The following JPH1 variants were observed in gnomAD, a reference collection of about 807,000 sequenced individuals.
JPH1 encodes junctophilin 1.
In JPH1, 12 loss-of-function variants were observed where a neutral mutation model predicts 53.6. The observed-to-expected ratio is 0.22, with a 90% confidence interval of 0.14 to 0.36. JPH1 has a LOEUF of 0.36. Among genes scored for constraint, JPH1 ranks in the 10% least tolerant of loss-of-function variants. JPH1 has a pLI of 1.00. For missense variants in JPH1, 808 were observed against 905.5 expected, an observed-to-expected ratio of 0.89 and a Z score of 1.38; for synonymous variants, 375 against 363.8, an observed-to-expected ratio of 1.03 and a Z score of -0.35.
intron 3 of JPH1, among the ~76,000 whole-genome samples, chr8:74,256,097 G>A (rs1806217456): frequency 6.6e-6 from 1 of 152,158 alleles, no homozygotes; most frequent in African/African-American, 2.4e-5. Flanking sequence ...GCACACGTAT[G>A]TTTATTGCAG....
chr8:74,294,125 AG>A (rs1380161186), intron 2 of JPH1, among the ~76,000 whole-genome samples: 1 of 152,168 alleles, frequency 6.6e-6, no homozygotes, highest in Non-Finnish European at 1.5e-5. Flanking sequence ...TGAATGTGGG[AG>A]GCAGGAGCAT....
At chr8:74,247,773 T>C (rs1805900845) in intron 3 of JPH1, among the ~76,000 whole-genome samples, 1 of 152,220 alleles carries the variant, frequency 6.6e-6, no homozygotes, top group Admixed American at 6.5e-5. Context: ...TGTCATTTTT[T>C]TGAGGTGATA....
At chr8:74,244,367 G>C (rs1805785573) in intron 4 of JPH1, among the ~76,000 whole-genome samples, 162 bp downstream of exon 4, 1 of 152,134 alleles carries the variant, frequency 6.6e-6, no homozygotes, top group East Asian at 1.9e-4. Flanking sequence ...AGAGCTCTTT[G>C]CTGTCTCAAG....
chr8:74,315,208 A>G lies in JPH1; in HGVS notation c.792T>C (p.Cys264=). ...CGTGGTCTTCCACCGGGCAAAAATC[A>G]CAATCTACATCGCCAAAGCTGATCG... The part of the protein sequence containing the change: ...NSTISFGDVD[C]DFCPVEDHVD... Residue 264 remains cysteine (C), a synonymous_variant, in exon 2 of 6, where the codon TGT becomes TGC. Coordinates refer to ENST00000342232, the MANE Select transcript of JPH1 (RefSeq NM_020647.4). This position sits in a 1 kb window ranked among gnomAD's most constrained non-coding sequence, Gnocchi z 6.3. 4 of 1,614,210 alleles carry G rather than the reference A, an allele frequency of 2.5e-6. No homozygotes were observed. The highest frequency in any genetic ancestry group is 3.4e-6 in the Non-Finnish European group (4 of 1,180,034).
In JPH1 at chr8:74,253,196, C is replaced by G. The variant is rs1030214473; in HGVS notation, c.1258+6189G>C. On this transcript the variant is annotated intron_variant, in intron 3 of 5. Transcript: ENST00000342232. ...ACAGAAATTATAACAAACTATCTCT[C>G]AGACCACAGTGCAATCAAACTAGAA... Among the ~76,000 whole-genome samples, 47 of 152,270 alleles carry G rather than the reference C, an allele frequency of 3.1e-4. 1 individual carries two copies. The highest frequency in any genetic ancestry group is 1.2e-3 in the South Asian group (6 of 4,822).
chr8:74,321,333 G>A lies in JPH1; in HGVS notation c.-46C>T. On this transcript the variant is annotated 5_prime_UTR_variant, in exon 1 of 6. Transcript: ENST00000342232. This position sits in a 1 kb window ranked among gnomAD's most constrained non-coding sequence, Gnocchi z 4.3. Reference sequence around the variant, plus strand: ...GCTCCCCGCAGGGGCACGGACGCGGGCAGTGCTGGGCACGGCAGGGTGTAG... The same window carrying A: ...GCTCCCCGCAGGGGCACGGACGCGGACAGTGCTGGGCACGGCAGGGTGTAG... The A allele has an allele frequency of 1.4e-6, 2 of 1,465,430 alleles. No individual in the cohort carries two copies. Among genetic ancestry groups the A allele is most frequent in the Non-Finnish European group, 1.8e-6 (2 of 1,109,456 alleles). 90.8% of individuals were successfully genotyped at this position (1,465,430 alleles called of 1,614,324 possible).
At chr8:74,281,527 A>T (rs1029105370) in intron 2 of JPH1, among the ~76,000 whole-genome samples, 8 of 152,230 alleles carry the variant, frequency 5.3e-5, no homozygotes, top group African/African-American at 1.9e-4. Context: ...CTTTTTAAGA[A>T]ACAAGTTACT....
At chr8:74,241,755 T>C (rs1021146277) in intron 4 of JPH1, among the ~76,000 whole-genome samples, 1 of 152,144 alleles carries the variant, frequency 6.6e-6, no homozygotes, top group African/African-American at 2.4e-5. Context: ...CCCAATTTGA[T>C]GGGGACGCTT....
chr8:74,292,777 A>G (rs1416658931), intron 2 of JPH1, among the ~76,000 whole-genome samples: 9 of 152,196 alleles, frequency 5.9e-5, no homozygotes, highest in Non-Finnish European at 1.2e-4. Context: ...AGGTAGCAAC[A>G]CAGAAATGTA....
At chr8:74,278,645 T>C (rs117480053) in intron 2 of JPH1, among the ~76,000 whole-genome samples, 6 of 152,298 alleles carry the variant, frequency 3.9e-5, no homozygotes, top group Admixed American at 2.6e-4. Context: ...GCTTGGGTGA[T>C]TGACCCGGAC....
chr8:74,236,175 A>G lies in JPH1; in HGVS notation c.*876T>C, dbSNP rs558440858. 6.6e-6 allele frequency: 1 copy of G among 152,364 alleles called. No individual in the cohort carries two copies. The highest frequency in any genetic ancestry group is 1.9e-4 in the East Asian group (1 of 5,194). 9.4% of individuals were successfully genotyped at this position (152,364 alleles called of 1,614,324 possible). On this transcript the variant is annotated 3_prime_UTR_variant, in exon 6 of 6. Coordinates refer to ENST00000342232, the MANE Select transcript of JPH1 (RefSeq NM_020647.4). ...TGTTAAAAATATTTAGAATTAAATT[A>G]GTTCTTAGGAAGGCATAGTGTCTTC...
intron 3 of JPH1, among the ~76,000 whole-genome samples, chr8:74,249,113 C>T (rs1289726335): frequency 6.6e-6 from 1 of 152,168 alleles, no homozygotes; most frequent in Non-Finnish European, 1.5e-5. Context: ...TTACAGTTGG[C>T]ACGAAGGCTC....
chr8:74,266,769 G>T (rs1297002641), intron 2 of JPH1, among the ~76,000 whole-genome samples: 1 of 152,180 alleles, frequency 6.6e-6, no homozygotes, highest in East Asian at 1.9e-4. Context: ...TCCAGAGGAA[G>T]TGAGGAGAGA....
intron 2 of JPH1, among the ~76,000 whole-genome samples, chr8:74,262,044 G>C (rs906161792): frequency 6.6e-6 from 1 of 152,098 alleles, no homozygotes; most frequent in Non-Finnish European, 1.5e-5. Flanking sequence ...TTTTTTACTT[G>C]CTGTTTCCTA....
At chr8:74,277,439 A>T (rs934926111) in intron 2 of JPH1, among the ~76,000 whole-genome samples, 6 of 152,246 alleles carry the variant, frequency 3.9e-5, no homozygotes, top group African/African-American at 1.2e-4. Context: ...ACAGATGTAG[A>T]CACATTATTT....
intron 3 of JPH1, among the ~76,000 whole-genome samples, chr8:74,253,340 C>T (rs1376012589): frequency 1.3e-5 from 2 of 151,998 alleles, no homozygotes; most frequent in African/African-American, 4.8e-5. Flanking sequence ...TTCTTTGAAA[C>T]CAGTGAGAAC....
At chr8:74,259,260 C>T (rs1243681426) in intron 3 of JPH1, 125 bp downstream of exon 3, 7 of 700,300 alleles carry the variant, frequency 1.0e-5, no homozygotes, top group Non-Finnish European at 1.4e-5. Flanking sequence ...GGCGCCCTTG[C>T]TTGTTTTGTA....
chr8:74,256,909 C>A (rs926518404), intron 3 of JPH1, among the ~76,000 whole-genome samples: 2 of 152,172 alleles, frequency 1.3e-5, no homozygotes, highest in African/African-American at 4.8e-5. Flanking sequence ...CCAGGGTTAA[C>A]AACTTCTATG....
At chr8:74,256,964 A>C (rs185348907) in intron 3 of JPH1, among the ~76,000 whole-genome samples, 4 of 152,214 alleles carry the variant, frequency 2.6e-5, no homozygotes, top group African/African-American at 9.7e-5. Context: ...TATATCTGAG[A>C]TATGTAAATT....
Sources: allele counts gnomAD v4.1 joint callset (sites outside exome capture counted in the v4.1 genomes callset), GRCh38; gene constraint gnomAD v4.1.1; non-coding constraint Gnocchi (gnomAD v3.1); transcripts MANE v1.5; gene names NCBI Gene and HGNC (gene_info 2026-07-23, HGNC 2026-07-21).